The following FSIP2 variants were observed in gnomAD, a reference collection of about 807,000 sequenced individuals.
FSIP2 encodes the protein fibrous sheath-interacting protein 2.
In FSIP2, 367 loss-of-function variants were observed where a neutral mutation model predicts 510.5. The ratio of observed to expected loss-of-function variants is 0.72; its 90% CI spans 0.66 to 0.78. FSIP2 has a LOEUF of 0.78. Among genes scored for constraint, FSIP2 ranks in the 30% least tolerant of loss-of-function variants. The pLI is 0.00. For synonymous variants in FSIP2, 2,601 were observed against 2,732.2 expected (o/e 0.95, Z 1.50); for missense variants, 7,594 against 7,901.7 (o/e 0.96, Z 1.48).
upstream of FSIP2, chr2:185,738,578 C>G: frequency 2.0e-6 from 3 of 1,532,288 alleles, no homozygotes; most frequent in Non-Finnish European, 2.6e-6. Flanking sequence ...ACCAACAAAG[C>G]TTATACGTTT....
Position 185,794,160 on chromosome 2 carries a change from C to G in FSIP2, c.7024C>G (p.His2342Asp). The change falls in exon 16 of 23, where the codon CAC (histidine) becomes GAC (aspartate). Residue 2342 changes from histidine to aspartate, a missense_variant. Transcript: ENST00000424728. ...CAGAGAAAAACTTGGATCCACAATT[C>G]ACCTATCGCAAGCTAGGCTTAAGAC... ...GRREKLGSTIHLSQARLKTYA... is the reference protein window; with the variant it reads ...GRREKLGSTIDLSQARLKTYA... The G allele has an allele frequency of 6.5e-7, 1 of 1,533,792 alleles. No individual in the cohort carries two copies. Among genetic ancestry groups the G allele is most frequent in the Non-Finnish European group, 8.7e-7 (1 of 1,145,388 alleles).
In FSIP2 at chr2:185,753,797, A is replaced by T; in HGVS notation, c.946A>T (p.Ile316Leu). 1 of 1,483,106 alleles carries T rather than the reference A, an allele frequency of 6.7e-7. No individual in the cohort carries two copies. 91.9% of individuals were successfully genotyped at this position (1,483,106 alleles called of 1,614,324 possible). ...AGATACTGGCTTTAACGGAGAAGAT[A>T]TAGGAAAAAATACATTTAAATACAG... Reference protein sequence around the residue: ...MQDTGFNGEDIGKNTFKYRGQ... With the variant: ...MQDTGFNGEDLGKNTFKYRGQ... Residue 316 changes from isoleucine to leucine, a missense_variant, in exon 8 of 23, where the codon ATA becomes TTA. Ile to Leu is a conservative substitution (Grantham distance 5, BLOSUM62 2). Transcript: ENST00000424728.
Position 185,789,354 on chromosome 2 carries a change from C to T in FSIP2, c.2218C>T (p.Arg740Cys), listed in dbSNP as rs901409611. ...TAEVFVEQCE[R>C]EKEILLSNAH... ...TGAAGTTTTTGTTGAACAATGTGAA[C>T]GTGAAAAAGAAATCTTGCTTTCCAA... The change falls in exon 16 of 23, where the codon CGT becomes TGT. Residue 740 changes from arginine (R) to cysteine (C), a missense_variant. Transcript: ENST00000424728. 1.2e-5 allele frequency: 18 copies of T among 1,534,770 alleles called. No homozygotes were observed. In the African/African-American group the frequency reaches 1.6e-4, roughly 14 times the overall value.
chr2:185,752,036 T>C (rs768988541), intron 7 of FSIP2, among the ~76,000 whole-genome samples: 2 of 151,146 alleles, frequency 1.3e-5, no homozygotes, highest in African/African-American at 4.8e-5. Context: ...CTTCATTCTT[T>C]TTTTGTATAC....
Position 185,744,364 on chromosome 2 carries a change from C to A in FSIP2, c.430C>A (p.Leu144Ile). The change falls in exon 4 of 23, where the codon CTT (leucine) becomes ATT (isoleucine). Residue 144 changes from leucine (L) to isoleucine (I), a missense_variant. Physicochemically the swap from Leu to Ile is conservative, Grantham distance 5. Transcript: ENST00000424728. ...LRELNKYRQYLTSLKLDFERN... is the reference protein window; with the variant it reads ...LRELNKYRQYITSLKLDFERN... ...AGAATTGAATAAGTACAGGCAATAT[C>A]TTACCAGTTTAAAATTAGACTTTGA... is the stretch of plus-strand genomic sequence containing the variant. 2 of 1,264,430 alleles carry A rather than the reference C, an allele frequency of 1.6e-6. No homozygotes were observed. The highest frequency in any genetic ancestry group is 1.8e-5 in the South Asian group (1 of 57,056). 78.3% of individuals were successfully genotyped at this position (1,264,430 alleles called of 1,614,324 possible). A position where few individuals can be genotyped will look rare whatever the true frequency, so the allele number is the denominator to read the frequency against.
rs1559028952 is a variant in FSIP2, at chr2:185,794,914, T to C, written c.7778T>C (p.Ile2593Thr). 3.9e-6 allele frequency: 6 copies of C among 1,534,272 alleles called. No homozygotes were observed. Among genetic ancestry groups the C allele is most frequent in the Non-Finnish European group, 5.2e-6 (6 of 1,145,652 alleles). ...RFRETKQAGK[I>T]SNSPRYAISQ... ...AGAGAAACTAAACAAGCAGGAAAAA[T>C]AAGTAATTCCCCTAGATATGCGATA... The change falls in exon 16 of 23, where the codon ATA becomes ACA. Residue 2593 changes from isoleucine to threonine, a missense_variant. Physicochemically the swap from Ile to Thr is moderately conservative, Grantham distance 89. Coordinates refer to ENST00000424728, the MANE Select transcript of FSIP2 (RefSeq NM_173651.4).
In FSIP2 at chr2:185,753,701, A is replaced by G. The variant is rs543155200; in HGVS notation, c.871-21A>G. 41 of 988,990 alleles carry G rather than the reference A, an allele frequency of 4.1e-5. No individual in the cohort carries two copies. In the African/African-American group the frequency reaches 6.2e-4, roughly 15 times the overall value. 61.3% of individuals were successfully genotyped at this position (988,990 alleles called of 1,614,324 possible). A position where few individuals can be genotyped will look rare whatever the true frequency, so the allele number is the denominator to read the frequency against. On this transcript the variant is annotated intron_variant, in intron 7 of 22. Coordinates refer to ENST00000424728, the MANE Select transcript of FSIP2 (RefSeq NM_173651.4). Reference sequence around the variant, plus strand: ...AAATGGCAAGTTAATATTAACCAATATATTTTCTTTAATATTGTAGAAACA... The same window carrying G: ...AAATGGCAAGTTAATATTAACCAATGTATTTTCTTTAATATTGTAGAAACA...
At chr2:185,754,175 T>A (rs939208828) in intron 8 of FSIP2, among the ~76,000 whole-genome samples, 3 of 151,004 alleles carry the variant, frequency 2.0e-5, no homozygotes, top group Non-Finnish European at 3.0e-5. Context: ...TCTATTATGT[T>A]GACAACCAGT....
At chr2:185,784,399 A>G (rs546097499) in intron 14 of FSIP2, among the ~76,000 whole-genome samples, 2 of 152,166 alleles carry the variant, frequency 1.3e-5, no homozygotes, top group African/African-American at 4.8e-5. Context: ...TGGGGGTGTA[A>G]TGGTCAAATT....
rs1191885158 is a variant in FSIP2 at position 185,801,864 on chromosome 2, G to T, written c.12558G>T (p.Met4186Ile). 1 of 1,487,314 alleles carries T rather than the reference G, an allele frequency of 6.7e-7. No individual in the cohort carries two copies. Among genetic ancestry groups the T allele is most frequent in the Non-Finnish European group, 8.9e-7 (1 of 1,120,232 alleles). The allele number at this position is 1,487,314 out of a possible 1,614,324, so 92.1% of individuals were successfully genotyped here. ...EMSTCIINKV[M>I]SAISKHKIWF... ...CCACTTGTATAATAAATAAGGTTAT[G>T]TCAGCCATTTCAAAACATAAAATCT... The change falls in exon 17 of 23, where the codon ATG becomes ATT. Residue 4186 changes from methionine (M) to isoleucine (I), a missense_variant. Coordinates refer to ENST00000424728, the MANE Select transcript of FSIP2 (RefSeq NM_173651.4).
Position 185,799,821 on chromosome 2 carries a change from A to G in FSIP2, c.10515A>G (p.Ser3505=). ...IYQCCEHLTE[S]VLYHLTSSIS... ...AATGTTGTGAACATCTCACTGAGTC[A>G]GTACTTTACCATTTAACTTCGAGCA... Residue 3505 remains serine, a synonymous_variant, in exon 17 of 23, where the codon TCA becomes TCG. Transcript: ENST00000424728. 1 of 1,531,924 alleles carries G rather than the reference A, an allele frequency of 6.5e-7. No homozygotes were observed. The highest frequency in any genetic ancestry group is 1.2e-5 in the South Asian group (1 of 83,782). The allele number at this position is 1,531,924 out of a possible 1,614,324, so 94.9% of individuals were successfully genotyped here.
At chr2:185,751,198 A>G (rs1419348517) in intron 7 of FSIP2, among the ~76,000 whole-genome samples, 1 of 151,412 alleles carries the variant, frequency 6.6e-6, no homozygotes, top group East Asian at 1.9e-4. Context: ...ATCTCTGACT[A>G]TATTTTTGGA....
chr2:185,800,592 A>C lies in FSIP2; in HGVS notation c.11286A>C (p.Arg3762Ser). Residue 3762 changes from arginine (R) to serine (S), a missense_variant, in exon 17 of 23, where the codon AGA (arginine) becomes AGC (serine). Coordinates refer to ENST00000424728, the MANE Select transcript of FSIP2 (RefSeq NM_173651.4). ...ATGTTGTATGTGAGAAACTTATCAGAATACTTTTGGAAGAATGCACAAGCA... is the reference window on the plus strand; with the variant it reads ...ATGTTGTATGTGAGAAACTTATCAGCATACTTTTGGAAGAATGCACAAGCA... ...LLNVVCEKLI[R>S]ILLEECTSTA... 6 of 1,530,932 alleles carry C rather than the reference A, an allele frequency of 3.9e-6. No homozygotes were observed. Among genetic ancestry groups the C allele is most frequent in the Non-Finnish European group, 5.2e-6 (6 of 1,144,606 alleles). The allele number at this position is 1,530,932 out of a possible 1,614,324, so 94.8% of individuals were successfully genotyped here.
chr2:185,771,088 C>T (rs1465233951), intron 13 of FSIP2, among the ~76,000 whole-genome samples: 1 of 152,188 alleles, frequency 6.6e-6, no homozygotes, highest in Non-Finnish European at 1.5e-5. Flanking sequence ...TAGGCAGCCC[C>T]ACCACTGTGG....
At chr2:185,743,386 C>A in intron 3 of FSIP2, 92 bp downstream of exon 3, 1 of 709,054 alleles carries the variant, frequency 1.4e-6, no homozygotes, top group Non-Finnish European at 2.1e-6. Context: ...GGGCCTGTGT[C>A]ACTTTTAACT....
chr2:185,797,440 A>G lies in FSIP2; in HGVS notation c.10304A>G (p.His3435Arg), dbSNP rs1693319223. Reference sequence around the variant, plus strand: ...GTTGAAGCCTTTACTTTTGCTGATCATGAAATGGGTTCCAATGAAGTTCAT... The same window carrying G: ...GTTGAAGCCTTTACTTTTGCTGATCGTGAAATGGGTTCCAATGAAGTTCAT... ...KEVEAFTFAD[H>R]EMGSNEVHLI... The change falls in exon 16 of 23, where the codon CAT becomes CGT. Residue 3435 changes from histidine to arginine, a missense_variant. By Grantham distance (29) the His-to-Arg change is conservative. Transcript: ENST00000424728. 2 of 1,531,802 alleles carry G rather than the reference A, an allele frequency of 1.3e-6. No homozygotes were observed. The highest frequency in any genetic ancestry group is 2.8e-5 in the African/African-American group (2 of 72,664). The allele number at this position is 1,531,802 out of a possible 1,614,324, so 94.9% of individuals were successfully genotyped here. A position where few individuals can be genotyped will look rare whatever the true frequency, so the allele number is the denominator to read the frequency against.
In FSIP2 at chr2:185,797,082, C is replaced by A. The variant is rs1281967322; in HGVS notation, c.9946C>A (p.Gln3316Lys). 1 of 1,535,064 alleles carries A rather than the reference C, an allele frequency of 6.5e-7. No individual in the cohort carries two copies. The highest frequency in any genetic ancestry group is 8.7e-7 in the Non-Finnish European group (1 of 1,146,264). The stretch of plus-strand genomic sequence containing the variant: ...CCTAAAACCAGTTGTTGAACCAAAC[C>A]AAATTCAGACAACCATTTCCCCTCT... Reference protein sequence around the residue: ...ENLKPVVEPNQIQTTISPLKI... With the variant: ...ENLKPVVEPNKIQTTISPLKI... The change falls in exon 16 of 23, where the codon CAA becomes AAA. Residue 3316 changes from glutamine (Q) to lysine (K), a missense_variant. By Grantham distance (53) the Gln-to-Lys change is moderately conservative (BLOSUM62 1). Transcript: ENST00000424728.
At chr2:185,738,776 G>C (rs746538006), upstream of FSIP2, 1 of 1,536,004 alleles carries the variant, frequency 6.5e-7, no homozygotes, top group Admixed American at 2.0e-5. Context: ...AACGCGGGGG[G>C]CGGGGCTGAG....
chr2:185,806,648 T>G lies in FSIP2; in HGVS notation c.17342T>G (p.Ile5781Ser). 6.2e-7 allele frequency: 1 copy of G among 1,605,658 alleles called. No individual in the cohort carries two copies. The highest frequency in any genetic ancestry group is 1.1e-5 in the South Asian group (1 of 89,650). The change falls in exon 17 of 23, where the codon ATT (isoleucine) becomes AGT (serine). Residue 5781 changes from isoleucine to serine, a missense_variant. Coordinates refer to ENST00000424728, the MANE Select transcript of FSIP2 (RefSeq NM_173651.4). ...AACCAACGAGAAAGTAAACCTGGAA[T>G]TTTTCCCGCTAAGTTTTTAGAAGAT... ...PQNQRESKPG[I>S]FPAKFLEDVI...
Sources: gnomAD v4.1 joint callset for allele counts (sites outside exome capture counted in the v4.1 genomes callset) on GRCh38, gnomAD v4.1.1 for gene constraint, MANE v1.5 for transcripts, NCBI Gene and HGNC (gene_info 2026-07-23, HGNC 2026-07-21) for gene names.